Variants in ITGB8 observed in about 807,000 individuals in gnomAD.
The protein encoded by ITGB8 is integrin subunit beta 8.
In ITGB8, 30 loss-of-function variants were observed where a neutral mutation model predicts 89.5. The ratio of observed to expected loss-of-function variants is 0.34; its 90% CI spans 0.25 to 0.45. The LOEUF is 0.45. Ranked by LOEUF, ITGB8 falls within the 20% of genes least tolerant of loss-of-function variation. The pLI is 1.00. For synonymous variants in ITGB8, 335 were observed against 320.4 expected, an observed-to-expected ratio of 1.05 and a Z score of -0.49; for missense variants, 836 against 933.3, an observed-to-expected ratio of 0.90 and a Z score of 1.36.
chr7:20,396,244 C>T (rs376348618), intron 8 of ITGB8, among the ~76,000 whole-genome samples: 1 of 152,034 alleles, frequency 6.6e-6, no homozygotes, highest in East Asian at 1.9e-4. Context: ...TGACACCATC[C>T]TGGCTAACAC....
At chr7:20,336,199 G>C (rs542136534) in intron 1 of ITGB8, among the ~76,000 whole-genome samples, 7 of 151,954 alleles carry the variant, frequency 4.6e-5, no homozygotes, top group Middle Eastern at 3.4e-3. Flanking sequence ...TAGAGAGGGC[G>C]TTTCACTGTG....
At chr7:20,387,457 G>T (rs1786672919) in intron 6 of ITGB8, among the ~76,000 whole-genome samples, 1 of 152,220 alleles carries the variant, frequency 6.6e-6, no homozygotes, top group South Asian at 2.1e-4. Flanking sequence ...CTGAATCCCA[G>T]CAAGGTTCAG....
intron 6 of ITGB8, among the ~76,000 whole-genome samples, chr7:20,382,846 C>T (rs1225656374): frequency 6.6e-6 from 1 of 152,062 alleles, no homozygotes; most frequent in African/African-American, 2.4e-5. Context: ...TCATCACTAC[C>T]CTGATTTCTT....
chr7:20,338,093 G>A (rs1562648910), intron 1 of ITGB8, among the ~76,000 whole-genome samples: 2 of 152,164 alleles, frequency 1.3e-5, no homozygotes, highest in South Asian at 2.1e-4. Flanking sequence ...GAGAGGCAAC[G>A]CTTCACACAC....
intron 3 of ITGB8, among the ~76,000 whole-genome samples, chr7:20,374,081 CTCAAAAGGCA>C (rs1166241894): frequency 6.6e-6 from 1 of 152,120 alleles, no homozygotes; most frequent in Non-Finnish European, 1.5e-5. Context: ...TTCTTAGAAT[CTCAAAAGGCA>C]TGAGGATAAA....
rs1338001420 is a variant in ITGB8 at position 20,390,633 on chromosome 7, C to A, written c.961-770C>A. ...TGAGCATAATGATAAGTTGAGAAAT[C>A]TGTAATCTATACCTTGTATAAGCAG... On this transcript the variant is annotated intron_variant, in intron 6 of 13. Transcript: ENST00000222573. Among the ~76,000 whole-genome samples the A allele has an allele frequency of 1.4e-4, 21 of 152,036 alleles. 1 individual carries two copies. The highest frequency in any genetic ancestry group is 1.2e-3 in the Admixed American group (19 of 15,268).
chr7:20,343,368 G>C (rs1412794991), intron 1 of ITGB8, among the ~76,000 whole-genome samples: 1 of 152,154 alleles, frequency 6.6e-6, no homozygotes, highest in Non-Finnish European at 1.5e-5. Context: ...CCTTAAGGAA[G>C]TTTTCTCTGG....
At position 20,391,041 on chromosome 7, in the gene ITGB8, T is replaced by G. The variant is rs1263816096; in HGVS notation, c.961-362T>G. 3.9e-5 allele frequency among the ~76,000 whole-genome samples: 6 copies of G among 152,202 alleles called. No individual in the cohort carries two copies. In the East Asian group the frequency reaches 1.2e-3, roughly 29 times the overall value. ...TGCAGTTCAATACTTGTTACTGAAT[T>G]TCACCTTAGAATGTGATTGCCACTA... On this transcript the variant is annotated intron_variant, in intron 6 of 13. Coordinates refer to ENST00000222573, the MANE Select transcript of ITGB8 (RefSeq NM_002214.3).
Position 20,379,298 on chromosome 7 carries a change from G to C in ITGB8, c.635+1G>C. The C allele has an allele frequency of 6.4e-7, 1 of 1,567,474 alleles. No homozygotes were observed. The highest frequency in any genetic ancestry group is 8.6e-7 in the Non-Finnish European group (1 of 1,157,302). ...CCGAAAGGATTCATAATCAATGCAG[G>C]TATCTAGGGTTTGATGTGGATATGC... On this transcript the variant is annotated splice_donor_variant, in intron 4 of 13. Transcript: ENST00000222573. LOFTEE classifies it high-confidence loss of function.
chr7:20,373,363 A>G (rs574709075), intron 3 of ITGB8, among the ~76,000 whole-genome samples: 43 of 152,308 alleles, frequency 2.8e-4, no homozygotes, highest in Admixed American at 1.8e-3. Flanking sequence ...GAAACTGGAT[A>G]TTAACTCTTT....
chr7:20,333,573 A>C (rs1784482786), intron 1 of ITGB8, among the ~76,000 whole-genome samples: 1 of 151,424 alleles, frequency 6.6e-6, no homozygotes, highest in Non-Finnish European at 1.5e-5. Flanking sequence ...TATTTAAAGT[A>C]CATTTTTAAA....
intron 1 of ITGB8, among the ~76,000 whole-genome samples, chr7:20,363,312 A>T (rs1362612372): frequency 6.6e-6 from 1 of 152,188 alleles, no homozygotes; most frequent in Non-Finnish European, 1.5e-5. Context: ...TAAACTTTCT[A>T]AAAAATGTGG....
At chr7:20,384,399 A>G (rs1422300969) in intron 6 of ITGB8, among the ~76,000 whole-genome samples, 1 of 152,172 alleles carries the variant, frequency 6.6e-6, no homozygotes, top group Non-Finnish European at 1.5e-5. Context: ...ACATATAGCT[A>G]TTTCCTGAAG....
rs1026302515 is a variant in ITGB8 at position 20,362,474 on chromosome 7, G to A, written c.128-1163G>A. Among the ~76,000 whole-genome samples, 32 of 152,220 alleles carry A rather than the reference G, an allele frequency of 2.1e-4. 1 individual carries two copies. The highest frequency in any genetic ancestry group is 7.7e-4 in the East Asian group (4 of 5,184). ...GAGATACTAAATGTGACTGCCTCTG[G>A]GGAGCAATCCTTAAATATGCCCTCT... On this transcript the variant is annotated intron_variant, in intron 1 of 13. Transcript: ENST00000222573.
intron 6 of ITGB8, among the ~76,000 whole-genome samples, chr7:20,384,366 T>C (rs1396314688): frequency 1.3e-5 from 2 of 152,198 alleles, no homozygotes; most frequent in Admixed American, 6.5e-5. Context: ...CTAAATTACA[T>C]GGGACAGAGT....
chr7:20,393,584 G>A (rs1467650758), intron 7 of ITGB8, among the ~76,000 whole-genome samples: 2 of 152,212 alleles, frequency 1.3e-5, no homozygotes, highest in Non-Finnish European at 1.5e-5. Flanking sequence ...GGTGGCACAT[G>A]AGGCCATGTC....
intron 1 of ITGB8, among the ~76,000 whole-genome samples, chr7:20,344,455 A>G (rs866211235): frequency 6.6e-6 from 1 of 152,236 alleles, no homozygotes; most frequent in Non-Finnish European, 1.5e-5. Context: ...TGTGTCTCCA[A>G]TAGTACATAT....
chr7:20,387,366 G>A (rs1236147745), intron 6 of ITGB8, among the ~76,000 whole-genome samples: 2 of 152,128 alleles, frequency 1.3e-5, no homozygotes, highest in Non-Finnish European at 2.9e-5. Context: ...GTAAGTGAAG[G>A]CTTTACGAAG....
At chr7:20,374,700 G>A (rs149798935) in intron 3 of ITGB8, among the ~76,000 whole-genome samples, 1 of 152,132 alleles carries the variant, frequency 6.6e-6, no homozygotes, top group Admixed American at 6.5e-5. Flanking sequence ...AGGACCACAG[G>A]CAGGGCACAG....
Sources: allele counts gnomAD v4.1 joint callset (sites outside exome capture counted in the v4.1 genomes callset), GRCh38; gene constraint gnomAD v4.1.1; transcripts MANE v1.5; gene names NCBI Gene and HGNC (gene_info 2026-07-23, HGNC 2026-07-21).